The following FAM174B variants were observed in gnomAD, a reference collection of about 807,000 sequenced individuals.
The protein encoded by FAM174B is membrane protein FAM174B.
FAM174B carries 12 observed loss-of-function variants against 10.9 expected under a neutral mutation model. The ratio of observed to expected loss-of-function variants is 1.10; its 90% CI spans 0.71 to 1.79. The LOEUF is 1.79. Among genes scored for constraint, FAM174B ranks in the 40% most tolerant of loss-of-function variants. The pLI, the probability that FAM174B is intolerant of heterozygous loss-of-function variation, is 0.00. For synonymous variants in FAM174B, 132 were observed against 115.8 expected, an observed-to-expected ratio of 1.14 and a Z score of -0.90; for missense variants, 266 against 233.3, an observed-to-expected ratio of 1.14 and a Z score of -0.91.
At position 92,650,575 on chromosome 15, in the gene FAM174B, G is replaced by A. The variant is rs1167500439; in HGVS notation, c.344+4741C>T. 2.6e-5 allele frequency among the ~76,000 whole-genome samples: 4 copies of A among 152,180 alleles called. No individual in the cohort carries two copies. The East Asian group carries it at 7.7e-4, about 29-fold the overall frequency. On this transcript the variant is annotated intron_variant, in intron 1 of 2. Transcript: ENST00000327355. ...GGTTTCGAGGTGGCAGGGTTTTCCT[G>A]ACTTGCCCCCGCTCTGCTCATGAGA...
At position 92,617,631 on chromosome 15, in the gene FAM174B, G is replaced by C. The variant is rs1041173593; in HGVS notation, c.*1825C>G. The C allele has an allele frequency of 9.1e-6, 6 of 659,352 alleles. No homozygotes were observed. The highest frequency in any genetic ancestry group is 7.4e-5 in the African/African-American group (4 of 53,986). 40.8% of individuals were successfully genotyped at this position (659,352 alleles called of 1,614,324 possible). Reference sequence around the variant, plus strand: ...TTTTCCATGAGATTCAGCTGCAGTTGTCGAAAACCCTGTGTGAGCCAGCAG... The same window carrying C: ...TTTTCCATGAGATTCAGCTGCAGTTCTCGAAAACCCTGTGTGAGCCAGCAG... On this transcript the variant is annotated 3_prime_UTR_variant, in exon 3 of 3. Coordinates refer to ENST00000327355, the MANE Select transcript of FAM174B (RefSeq NM_207446.3).
chr15:92,654,013 C>T (rs2050984475), intron 1 of FAM174B, among the ~76,000 whole-genome samples: 1 of 152,166 alleles, frequency 6.6e-6, no homozygotes, highest in Non-Finnish European at 1.5e-5. Flanking sequence ...CAGAGAACAT[C>T]AAGGAGACCA....
At chr15:92,632,503 T>G (rs2050825995) in intron 1 of FAM174B, among the ~76,000 whole-genome samples, 1 of 152,066 alleles carries the variant, frequency 6.6e-6, no homozygotes, top group Admixed American at 6.5e-5. Flanking sequence ...GGTGACAGAG[T>G]GAGACTCCAT....
chr15:92,617,697 G>C lies in FAM174B; in HGVS notation c.*1759C>G. The stretch of plus-strand genomic sequence containing the variant: ...TGAGGGGGCGAACAGCTGCGAGGTG[G>C]CCAGGCTCCCGTGAGTCACCACTCA... On this transcript the variant is annotated 3_prime_UTR_variant, in exon 3 of 3. Coordinates refer to ENST00000327355, the MANE Select transcript of FAM174B (RefSeq NM_207446.3). The C allele has an allele frequency of 1.5e-6, 1 of 680,560 alleles. No individual in the cohort carries two copies. The highest frequency in any genetic ancestry group is 2.7e-6 in the Non-Finnish European group (1 of 376,882). 42.2% of individuals were successfully genotyped at this position (680,560 alleles called of 1,614,324 possible).
intron 2 of FAM174B, among the ~76,000 whole-genome samples, chr15:92,624,640 G>A (rs1036001707): frequency 1.3e-5 from 2 of 152,254 alleles, no homozygotes; most frequent in Admixed American, 6.5e-5. Flanking sequence ...TGGAAATCTC[G>A]TGGGTTTCTA....
At chr15:92,643,350 G>GTGTGTGTGTGTGTT (rs1748067858) in intron 1 of FAM174B, among the ~76,000 whole-genome samples, 1 of 150,770 alleles carries the variant, frequency 6.6e-6, no homozygotes, top group African/African-American at 2.5e-5. Context: ...AGGAATGTGT[G>GTGTGTGTGTGTGTT]TGTGTGTGTG....
Position 92,619,300 on chromosome 15 carries a change from A to G in FAM174B, c.*156T>C, listed in dbSNP as rs1238386249. 1 of 807,192 alleles carries G rather than the reference A, an allele frequency of 1.2e-6. No homozygotes were observed. The highest frequency in any genetic ancestry group is 1.4e-5 in the South Asian group (1 of 69,650). 50.0% of individuals were successfully genotyped at this position (807,192 alleles called of 1,614,324 possible). On this transcript the variant is annotated 3_prime_UTR_variant, in exon 3 of 3. Coordinates refer to ENST00000327355, the MANE Select transcript of FAM174B (RefSeq NM_207446.3). ...AGCTTGCCAGTGACAGTCTGAGCAG[A>G]TGCCTGACACGCACGATGGAGCTGG...
rs143720912 is a variant in FAM174B at position 92,647,285 on chromosome 15, G to A, written c.344+8031C>T. On this transcript the variant is annotated intron_variant, in intron 1 of 2. Transcript: ENST00000327355. Reference sequence around the variant, plus strand: ...CCTCCCATCCTGCCAAGTCCTAATCGTCCTCCTCCTCCACCATGCCTTCCC... The same window carrying A: ...CCTCCCATCCTGCCAAGTCCTAATCATCCTCCTCCTCCACCATGCCTTCCC... Among the ~76,000 whole-genome samples the A allele has an allele frequency of 4.1e-3, 628 of 152,098 alleles. 3 individuals are homozygous for A. Among genetic ancestry groups the A allele is most frequent in the African/African-American group, 0.015 (607 of 41,472 alleles).
At chr15:92,638,307 A>C (rs758442803) in intron 1 of FAM174B, among the ~76,000 whole-genome samples, 3 of 152,194 alleles carry the variant, frequency 2.0e-5, no homozygotes, top group Non-Finnish European at 4.4e-5. Context: ...GAGGTTCAAA[A>C]TTCTTTTAGT....
intron 1 of FAM174B, among the ~76,000 whole-genome samples, chr15:92,650,623 C>T (rs1273398636): frequency 6.6e-6 from 1 of 152,192 alleles, no homozygotes; most frequent in Non-Finnish European, 1.5e-5. Flanking sequence ...AAGTCAGATT[C>T]CTTCCAGAAC....
At chr15:92,619,658 A>G in intron 2 of FAM174B, 199 bp from the exon 3 acceptor site, 2 of 617,152 alleles carry the variant, frequency 3.2e-6, no homozygotes, top group Non-Finnish European at 5.8e-6. Flanking sequence ...ACAGTTCCCA[A>G]CTAAGGATCC....
intron 1 of FAM174B, among the ~76,000 whole-genome samples, chr15:92,646,924 A>G (rs1427385519): frequency 1.3e-5 from 2 of 152,196 alleles, no homozygotes; most frequent in Non-Finnish European, 2.9e-5. Context: ...TAATATGTAT[A>G]AAACTAAGCT....
At chr15:92,640,364 T>A (rs1463071932) in intron 1 of FAM174B, among the ~76,000 whole-genome samples, 1 of 151,842 alleles carries the variant, frequency 6.6e-6, no homozygotes, top group Non-Finnish European at 1.5e-5. Context: ...CCAGCCTAGC[T>A]AACATGGTGA....
In FAM174B at chr15:92,621,181, T is replaced by A. The variant is rs570302019; in HGVS notation, c.477-1722A>T. Among the ~76,000 whole-genome samples, 4 of 152,268 alleles carry A rather than the reference T, an allele frequency of 2.6e-5. No individual in the cohort carries two copies. In the South Asian group the frequency reaches 6.2e-4, roughly 24 times the overall value. On this transcript the variant is annotated intron_variant, in intron 2 of 2. Transcript: ENST00000327355. ...CCATTTGTGTGCACACACATACATA[T>A]ACACACGGATGAATCAGAAAGCAAA...
chr15:92,633,156 C>G (rs1469750277), intron 1 of FAM174B, among the ~76,000 whole-genome samples: 2 of 152,162 alleles, frequency 1.3e-5, no homozygotes, highest in Non-Finnish European at 2.9e-5. Flanking sequence ...ATCAGGTTCC[C>G]TACACATTCT....
chr15:92,645,967 C>A (rs1302327171), intron 1 of FAM174B, among the ~76,000 whole-genome samples: 4 of 152,072 alleles, frequency 2.6e-5, no homozygotes, highest in African/African-American at 9.7e-5. Flanking sequence ...ACCTGTGAGT[C>A]CTCTTCTTCC....
intron 2 of FAM174B, among the ~76,000 whole-genome samples, chr15:92,627,929 G>A (rs1315811064): frequency 1.3e-5 from 2 of 152,116 alleles, no homozygotes; most frequent in Non-Finnish European, 2.9e-5. Flanking sequence ...TAGGTACACG[G>A]ACATCCCTTG....
At chr15:92,635,817 G>A (rs2050852380) in intron 1 of FAM174B, among the ~76,000 whole-genome samples, 1 of 152,064 alleles carries the variant, frequency 6.6e-6, no homozygotes, top group African/African-American at 2.4e-5. Flanking sequence ...CTGACCTCAG[G>A]TGATCTGCCT....
At chr15:92,652,383 A>G (rs774150676) in intron 1 of FAM174B, among the ~76,000 whole-genome samples, 2 of 152,184 alleles carry the variant, frequency 1.3e-5, no homozygotes, top group Non-Finnish European at 2.9e-5. Flanking sequence ...AGAGGGGTAG[A>G]GTGGGACAAG....
Sources: gnomAD v4.1 joint callset for allele counts (sites outside exome capture counted in the v4.1 genomes callset) on GRCh38, gnomAD v4.1.1 for gene constraint, MANE v1.5 for transcripts, NCBI Gene and HGNC (gene_info 2026-07-23, HGNC 2026-07-21) for gene names.